Variants in GDA observed in about 807,000 individuals in gnomAD.
GDA encodes the protein cytoplasmic PSD-95 interactor.
A neutral mutation model predicts 59.6 loss-of-function variants in GDA; 18 were observed. The ratio of observed to expected loss-of-function variants is 0.30; its 90% confidence interval spans 0.21 to 0.45. GDA has a LOEUF of 0.45. GDA is among the 20% of genes least tolerant of loss of function. The probability of loss-of-function intolerance (pLI) is 1.00; values close to 1 mark genes in which losing one functional copy is unlikely to be tolerated. For synonymous variants in GDA, 201 were observed against 201.1 expected (o/e 1.00, Z 0.00); for missense variants, 427 against 552.3 (o/e 0.77, Z 2.27).
At chr9:72,230,888 C>T (rs562016146) in intron 9 of GDA, among the ~76,000 whole-genome samples, 24 of 152,212 alleles carry the variant, frequency 1.6e-4, no homozygotes, top group Middle Eastern at 3.4e-3. Context: ...GCTCTTGCTG[C>T]TTTGTGCCCA....
At chr9:72,208,266 G>GT (rs1834962909) in intron 3 of GDA, among the ~76,000 whole-genome samples, 1 of 152,128 alleles carries the variant, frequency 6.6e-6, no homozygotes, top group African/African-American at 2.4e-5. Flanking sequence ...AGAAAACCCT[G>GT]TTTTTTCACA....
chr9:72,150,964 T>A (rs755871434), intron 1 of GDA, among the ~76,000 whole-genome samples: 1 of 152,088 alleles, frequency 6.6e-6, no homozygotes, highest in East Asian at 1.9e-4. Flanking sequence ...GGAACGGAGA[T>A]TGCTAAACTG....
At chr9:72,222,011 C>T (rs1204522117) in intron 6 of GDA, among the ~76,000 whole-genome samples, 3 of 152,182 alleles carry the variant, frequency 2.0e-5, no homozygotes, top group Admixed American at 6.5e-5. Context: ...AATAGTGCTA[C>T]AGTGAGTGTA....
chr9:72,146,498 T>A (rs1826637621), upstream of GDA, among the ~76,000 whole-genome samples: 1 of 151,890 alleles, frequency 6.6e-6, no homozygotes, highest in Non-Finnish European at 1.5e-5. Context: ...TTAAAGGAGT[T>A]GCCACCTCCG....
Position 72,239,277 on chromosome 9 carries a change from G to A in GDA, c.989-1875G>A, listed in dbSNP as rs184395458. Reference sequence around the variant, plus strand: ...CAGTTATTTTACTGACATAACATTGGCAACCAGAAGAATATAGGATGATTA... The same window carrying A: ...CAGTTATTTTACTGACATAACATTGACAACCAGAAGAATATAGGATGATTA... On this transcript the variant is annotated intron_variant, in intron 10 of 13. Transcript: ENST00000358399. Among the ~76,000 whole-genome samples the A allele has an allele frequency of 6.6e-4, 100 of 152,200 alleles. 1 individual carries two copies. The highest frequency in any genetic ancestry group is 6.8e-3 in the Middle Eastern group (2 of 294).
Position 72,224,078 on chromosome 9 carries a change from A to AGAT in GDA, c.714+852_714+854dup, listed in dbSNP as rs1300537870. ...TCAGTCCCACACATTTCTCTGCTGG[A>AGAT]GATAAAATTCAAAACTTACCTGATG... On this transcript the variant is annotated intron_variant, in intron 7 of 13. Transcript: ENST00000358399. Among the ~76,000 whole-genome samples the AGAT allele has an allele frequency of 2.0e-5, 3 of 152,216 alleles. No individual in the cohort carries two copies. The East Asian group carries it at 5.8e-4, about 29-fold the overall frequency.
chr9:72,245,457 G>A (rs1481023665), intron 12 of GDA, among the ~76,000 whole-genome samples, 179 bp downstream of exon 12: 3 of 152,132 alleles, frequency 2.0e-5, no homozygotes, highest in Admixed American at 1.3e-4. Context: ...AAGAATAATG[G>A]TGTTAACAAA....
chr9:72,238,949 C>T (rs1314777981), intron 10 of GDA, among the ~76,000 whole-genome samples: 3 of 152,132 alleles, frequency 2.0e-5, no homozygotes, highest in Non-Finnish European at 2.9e-5. Context: ...ATCAAAGGTC[C>T]GCAAAGCAAA....
chr9:72,191,053 AT>A (rs1832479699), intron 1 of GDA, among the ~76,000 whole-genome samples: 1 of 152,216 alleles, frequency 6.6e-6, no homozygotes, highest in Non-Finnish European at 1.5e-5. Context: ...ATATCATTCA[AT>A]TCTTTGAACT....
At chr9:72,254,880 A>G (rs1279494762), downstream of GDA, among the ~76,000 whole-genome samples, 1 of 152,186 alleles carries the variant, frequency 6.6e-6, no homozygotes, top group African/African-American at 2.4e-5. Flanking sequence ...TTTTTCTTCC[A>G]CAAAAGTTGG....
In GDA at chr9:72,119,112, A is replaced by C. The variant is rs141049591; in HGVS notation, c.-100+4279A>C. On this transcript the variant is annotated intron_variant, in intron 1 of 13. Transcript: ENST00000545168. ...ATGAGTTATATGCCAAAAATTATCT[A>C]TAAAGATGTTATCCTATGGTAAGTT... Among the ~76,000 whole-genome samples, 1,222 of 152,338 alleles carry C rather than the reference A, an allele frequency of 8.0e-3. 13 individuals are homozygous for C. The highest frequency in any genetic ancestry group is 0.028 in the African/African-American group (1,170 of 41,562).
intron 1 of GDA, among the ~76,000 whole-genome samples, chr9:72,117,169 C>A (rs1049408437): frequency 6.6e-6 from 1 of 152,038 alleles, no homozygotes; most frequent in South Asian, 2.1e-4. Flanking sequence ...TTAATCTAGT[C>A]TATCATTCAC....
chr9:72,128,011 C>G (rs1387308339), intron 1 of GDA, among the ~76,000 whole-genome samples: 1 of 152,090 alleles, frequency 6.6e-6, no homozygotes, highest in Admixed American at 6.5e-5. Context: ...ACCTTAATCA[C>G]CTATTTTGCT....
intron 1 of GDA, among the ~76,000 whole-genome samples, chr9:72,135,905 G>A (rs926519700): frequency 2.6e-5 from 4 of 151,882 alleles, no homozygotes. Context: ...GCCACCACGC[G>A]GGGCCTGCTT....
chr9:72,118,984 T>A (rs1041531994), intron 1 of GDA, among the ~76,000 whole-genome samples: 5 of 152,174 alleles, frequency 3.3e-5, no homozygotes, highest in Non-Finnish European at 4.4e-5. Flanking sequence ...ACATATTTAT[T>A]GAATGGTCAC....
intron 1 of GDA, among the ~76,000 whole-genome samples, chr9:72,133,177 C>T: frequency 6.6e-6 from 1 of 150,522 alleles, no homozygotes; most frequent in Non-Finnish European, 1.5e-5. Flanking sequence ...GTAGTCCCAG[C>T]TACTTGGGAG....
At chr9:72,228,230 A>C in intron 9 of GDA, 190 bp downstream of exon 9, 1 of 553,194 alleles carries the variant, frequency 1.8e-6, no homozygotes, top group Non-Finnish European at 3.2e-6. Flanking sequence ...CATTTATCTC[A>C]GAGGACACGT....
At position 72,227,996 on chromosome 9, in the gene GDA, T is replaced by A. The variant is rs1443505589; in HGVS notation, c.876T>A (p.His292Gln). ...YLSAEELNVFHERGASIAHCP... is the reference protein window; with the variant it reads ...YLSAEELNVFQERGASIAHCP... ...CTGCAGAAGAACTGAACGTATTCCATGAACGAGGAGCATCCATCGCACACT... is the reference window on the plus strand; with the variant it reads ...CTGCAGAAGAACTGAACGTATTCCAAGAACGAGGAGCATCCATCGCACACT... Residue 292 changes from histidine (H) to glutamine (Q), a missense_variant, in exon 9 of 14, where the codon CAT (histidine) becomes CAA (glutamine). Transcript: ENST00000358399. The A allele has an allele frequency of 6.2e-7, 1 of 1,608,014 alleles. No individual in the cohort carries two copies. The highest frequency in any genetic ancestry group is 2.2e-5 in the East Asian group (1 of 44,850).
intron 1 of GDA, among the ~76,000 whole-genome samples, chr9:72,187,131 G>A (rs1272544417): frequency 6.6e-6 from 1 of 152,196 alleles, no homozygotes; most frequent in Non-Finnish European, 1.5e-5. Context: ...AAAGATGAAA[G>A]TGGAGTCACT....
Sources: gnomAD v4.1 joint callset for allele counts (sites outside exome capture counted in the v4.1 genomes callset) on GRCh38, gnomAD v4.1.1 for gene constraint, MANE v1.5 for transcripts, NCBI Gene and HGNC (gene_info 2026-07-23, HGNC 2026-07-21) for gene names.